Variants in COL15A1 observed in about 807,000 individuals in gnomAD.
COL15A1 encodes the protein collagen type XV alpha 1 chain.
COL15A1 carries 111 observed loss-of-function variants against 165.9 expected under a neutral mutation model. That is an observed-to-expected ratio of 0.67 (90% CI 0.57 to 0.78). COL15A1 has a LOEUF of 0.78. COL15A1 is among the 30% of genes least tolerant of loss of function. The pLI is 0.00. For synonymous variants in COL15A1, 659 were observed against 674.8 expected (o/e 0.98, Z 0.36); for missense variants, 1,745 against 1,789.7 (o/e 0.98, Z 0.45).
intron 2 of COL15A1, among the ~76,000 whole-genome samples, chr9:98,980,181 C>T (rs1206321504): frequency 6.6e-6 from 1 of 150,994 alleles, no homozygotes; most frequent in Non-Finnish European, 1.5e-5. Context: ...AAAGAGGGGA[C>T]TTGAGAATAT....
chr9:99,027,472 T>C (rs756709630), intron 16 of COL15A1, among the ~76,000 whole-genome samples: 3 of 152,174 alleles, frequency 2.0e-5, no homozygotes, highest in Non-Finnish European at 4.4e-5. Context: ...ACCAACAGTT[T>C]TACAGAAATT....
chr9:99,015,597 A>G, intron 10 of COL15A1, 31 bp downstream of exon 10: 2 of 1,604,944 alleles, frequency 1.2e-6, no homozygotes, highest in Non-Finnish European at 1.7e-6. Flanking sequence ...TCTCTGGCTC[A>G]CAGGGGAGAG....
chr9:99,036,668 G>A (rs1839306947), intron 21 of COL15A1, among the ~76,000 whole-genome samples: 1 of 152,232 alleles, frequency 6.6e-6, no homozygotes, highest in Non-Finnish European at 1.5e-5. Context: ...GGGGTCTTGA[G>A]GAAGCCCCAG....
intron 16 of COL15A1, among the ~76,000 whole-genome samples, chr9:99,026,327 C>T (rs1387110171): frequency 6.6e-6 from 1 of 152,216 alleles, no homozygotes; most frequent in East Asian, 1.9e-4. Flanking sequence ...TTTTGTCTCC[C>T]CACTGAGCTG....
chr9:99,011,417 A>ATAAAAAT (rs1339223511), intron 9 of COL15A1, among the ~76,000 whole-genome samples: 6 of 146,174 alleles, frequency 4.1e-5, no homozygotes, highest in African/African-American at 1.5e-4. Context: ...AAAAAAAAAA[A>ATAAAAAT]AAAAAAAGTC....
At chr9:98,993,457 G>C (rs971672747) in intron 5 of COL15A1, among the ~76,000 whole-genome samples, 12 of 152,162 alleles carry the variant, frequency 7.9e-5, no homozygotes, top group Admixed American at 5.9e-4. Context: ...AGGCCTGATG[G>C]TCCTGACCTT....
At chr9:98,946,564 C>T (rs1016413794) in intron 2 of COL15A1, among the ~76,000 whole-genome samples, 3 of 152,224 alleles carry the variant, frequency 2.0e-5, no homozygotes, top group Non-Finnish European at 2.9e-5. Context: ...GGGGATGTGA[C>T]TTCCTCAAGG....
rs1315546134 is a variant in COL15A1, at chr9:99,062,048, G to A, written c.3480G>A (p.Arg1160=). 1 of 1,614,036 alleles carries A rather than the reference G, an allele frequency of 6.2e-7. No individual in the cohort carries two copies. Among genetic ancestry groups the A allele is most frequent in the South Asian group, 1.1e-5 (1 of 91,054 alleles). The stretch of plus-strand genomic sequence containing the variant: ...TAGAAGGAACATTCATCTACCTGAG[G>A]GACAGCACTGAGTTTTTCATTCGTG... The part of the protein sequence containing the change: ...LVIEGTFIYL[R]DSTEFFIRVR... Residue 1160 remains arginine, a synonymous_variant, in exon 37 of 42, where the codon AGG becomes AGA. Coordinates refer to ENST00000375001, the MANE Select transcript of COL15A1 (RefSeq NM_001855.5).
At chr9:98,962,053 T>C (rs762683948) in intron 2 of COL15A1, among the ~76,000 whole-genome samples, 1 of 152,258 alleles carries the variant, frequency 6.6e-6, no homozygotes, top group Non-Finnish European at 1.5e-5. Flanking sequence ...CAGTCAGTCC[T>C]GGCTTTGGAA....
At chr9:98,973,130 A>G (rs1252616291) in intron 2 of COL15A1, among the ~76,000 whole-genome samples, 1 of 152,236 alleles carries the variant, frequency 6.6e-6, no homozygotes, top group African/African-American at 2.4e-5. Context: ...GCTGCTGGCC[A>G]GGAAAACCAA....
intron 26 of COL15A1, among the ~76,000 whole-genome samples, chr9:99,045,942 G>T (rs376829841): frequency 2.6e-4 from 39 of 152,198 alleles, no homozygotes; most frequent in Non-Finnish European, 5.3e-4. Context: ...TGTAACTTTC[G>T]AGGTGAATCC....
At chr9:99,033,254 C>T (rs115509737) in intron 16 of COL15A1, among the ~76,000 whole-genome samples, 58 of 152,372 alleles carry the variant, frequency 3.8e-4, no homozygotes, top group African/African-American at 1.4e-3. Context: ...AGCAGCTGAT[C>T]TTCCGCGTGT....
At chr9:99,057,219 T>C (rs1268797535) in intron 35 of COL15A1, among the ~76,000 whole-genome samples, 2 of 152,184 alleles carry the variant, frequency 1.3e-5, no homozygotes, top group East Asian at 1.9e-4. Context: ...GGTATCCTCA[T>C]TGTATCTTTT....
intron 9 of COL15A1, among the ~76,000 whole-genome samples, chr9:99,011,315 CT>C (rs1032396089): frequency 6.3e-5 from 9 of 143,376 alleles, no homozygotes; most frequent in South Asian, 2.2e-4. Context: ...CATATGAAAG[CT>C]TTTTTTTTCA....
At chr9:99,063,001 A>G (rs1315570903) in intron 38 of COL15A1, 49 bp from the exon 39 acceptor site, 1 of 1,564,814 alleles carries the variant, frequency 6.4e-7, no homozygotes. Context: ...TCTGAAGAAC[A>G]GATTGAATGC....
chr9:98,992,747 G>A (rs567943746), intron 5 of COL15A1, among the ~76,000 whole-genome samples: 11 of 152,346 alleles, frequency 7.2e-5, no homozygotes, highest in Non-Finnish European at 1.6e-4. Context: ...AAAAATGAAT[G>A]CCCAGGAGGT....
intron 2 of COL15A1, among the ~76,000 whole-genome samples, chr9:98,954,349 G>A (rs927470628): frequency 6.6e-6 from 1 of 152,124 alleles, no homozygotes; most frequent in Non-Finnish European, 1.5e-5. Context: ...AGCATTTGAT[G>A]GACTGTGTTT....
In COL15A1 at chr9:98,958,085, T is replaced by C. The variant is rs1378704351; in HGVS notation, c.100+13835T>C. ...ACCAGCCACGGAGGAGCCCATGACA[T>C]GCCGGAGGCAACTATGGCAACAGTG... On this transcript the variant is annotated intron_variant, in intron 2 of 41. Transcript: ENST00000375001. Among the ~76,000 whole-genome samples the C allele has an allele frequency of 4.6e-5, 7 of 152,346 alleles. 1 individual carries two copies. The South Asian group carries it at 1.4e-3, about 32-fold the overall frequency.
In COL15A1 at chr9:99,025,921, T is replaced by C. The variant is rs1408254586; in HGVS notation, c.1998T>C (p.Pro666=). The C allele has an allele frequency of 6.2e-7, 1 of 1,613,026 alleles. No homozygotes were observed. Among genetic ancestry groups the C allele is most frequent in the Admixed American group, 1.7e-5 (1 of 59,870 alleles). The change falls in exon 16 of 42, where the codon CCT becomes CCC. Residue 666 remains proline (P), a synonymous_variant. Coordinates refer to ENST00000375001, the MANE Select transcript of COL15A1 (RefSeq NM_001855.5). ...EPGPPGPEGQ[P]GVDGATGLPG... ...TTCCCCAGGGCCCTGAGGGACAGCC[T>C]GGAGTTGATGGAGCCACCGGCCTTC...
Sources: allele counts gnomAD v4.1 joint callset (sites outside exome capture counted in the v4.1 genomes callset), GRCh38; gene constraint gnomAD v4.1.1; transcripts MANE v1.5; gene names NCBI Gene and HGNC (gene_info 2026-07-23, HGNC 2026-07-21).